The following ASCC3 variants were observed in gnomAD, a reference collection of about 807,000 sequenced individuals.
The protein encoded by ASCC3 is ASC-1 complex subunit P200.
In ASCC3, 158 loss-of-function variants were observed where a neutral mutation model predicts 256.3. That is an observed-to-expected ratio of 0.62 (90% CI 0.54 to 0.70). The LOEUF (loss-of-function observed/expected upper bound fraction) is 0.70, where lower values mean the gene tolerates loss of function less well. ASCC3 is among the 30% of genes least tolerant of loss of function. The probability of loss-of-function intolerance (pLI) is 0.00; values close to 1 mark genes in which losing one functional copy is unlikely to be tolerated. For synonymous variants in ASCC3, 948 were observed against 883.4 expected, an observed-to-expected ratio of 1.07 and a Z score of -1.30; for missense variants, 2,259 against 2,626.0, an observed-to-expected ratio of 0.86 and a Z score of 3.05.
At chr6:100,810,771 C>T (rs141630145) in intron 4 of ASCC3, among the ~76,000 whole-genome samples, 2 of 152,088 alleles carry the variant, frequency 1.3e-5, no homozygotes, top group Non-Finnish European at 2.9e-5. Context: ...CCTTCAATTG[C>T]TAGTAGTTGC....
chr6:100,856,918 A>G (rs1772973986), intron 3 of ASCC3: 1 of 152,140 alleles, frequency 6.6e-6, no homozygotes, highest in Non-Finnish European at 1.5e-5. Context: ...TTTGATATAC[A>G]TGTATGTACA....
chr6:100,815,758 T>TA lies in ASCC3; in HGVS notation c.802-9879dup, dbSNP rs1440862154. Among the ~76,000 whole-genome samples, 3 of 152,008 alleles carry TA rather than the reference T, an allele frequency of 2.0e-5. No homozygotes were observed. In the East Asian group the frequency reaches 5.8e-4, roughly 29 times the overall value. Reference sequence around the variant, plus strand: ...AAGATTGAATCTTCCTTACACCGTATAAAAAATTAACTCAAGATGGATTAA... The same window carrying TA: ...AAGATTGAATCTTCCTTACACCGTATAAAAAAATTAACTCAAGATGGATTAA... On this transcript the variant is annotated intron_variant, in intron 4 of 41. Transcript: ENST00000369162.
At position 100,608,081 on chromosome 6, in the gene ASCC3, T is replaced by TATATATCGATATACAC. The variant is rs1562160876; in HGVS notation, c.4786-994_4786-993insGTGTATATCGATATAT. Among the ~76,000 whole-genome samples the TATATATCGATATACAC allele has an allele frequency of 1.2e-3, 85 of 72,104 alleles. 6 individuals are homozygous for TATATATCGATATACAC. Among genetic ancestry groups the TATATATCGATATACAC allele is most frequent in the Admixed American group, 3.9e-3 (22 of 5,614 alleles). 47.3% of individuals were successfully genotyped at this position (72,104 alleles called of 152,430 possible). A position where few individuals can be genotyped will look rare whatever the true frequency, so the allele number is the denominator to read the frequency against. ...ATACACATATATATACATATATATG[T>TATATATCGATATACAC]ATATATATCTATATACACATATATA... On this transcript the variant is annotated intron_variant, in intron 30 of 41. Transcript: ENST00000369162.
intron 8 of ASCC3, among the ~76,000 whole-genome samples, chr6:100,787,962 T>C (rs2114288688): frequency 6.7e-6 from 1 of 149,202 alleles, no homozygotes; most frequent in East Asian, 2.0e-4. Flanking sequence ...ATAATCGAGT[T>C]TTTTTTTTTG....
intron 13 of ASCC3, among the ~76,000 whole-genome samples, chr6:100,692,837 T>A (rs189828419): frequency 4.6e-5 from 7 of 152,214 alleles, no homozygotes; most frequent in Admixed American, 2.0e-4. Context: ...GAGAACTTGA[T>A]GATGCTTTAG....
intron 34 of ASCC3, among the ~76,000 whole-genome samples, chr6:100,599,193 A>T (rs1404572165): frequency 6.6e-6 from 1 of 152,204 alleles, no homozygotes; most frequent in East Asian, 1.9e-4. Flanking sequence ...GTGATATTTT[A>T]AATATAGATA....
chr6:100,770,536 A>C (rs1335597608), intron 8 of ASCC3, among the ~76,000 whole-genome samples: 1 of 152,008 alleles, frequency 6.6e-6, no homozygotes, highest in Non-Finnish European at 1.5e-5. Flanking sequence ...TAATATAAAA[A>C]AGGAAGAAAA....
intron 34 of ASCC3, among the ~76,000 whole-genome samples, chr6:100,600,193 A>G (rs543176925): frequency 1.1e-4 from 14 of 122,870 alleles, no homozygotes; most frequent in Non-Finnish European, 1.9e-4. Flanking sequence ...CCATCTATAC[A>G]CACATGCACA....
At chr6:100,668,085 C>T (rs1420237728) in intron 14 of ASCC3, among the ~76,000 whole-genome samples, 3 of 151,990 alleles carry the variant, frequency 2.0e-5, no homozygotes, top group Non-Finnish European at 4.4e-5. Flanking sequence ...GGAAAACAGC[C>T]ATATCAATTT....
intron 37 of ASCC3, among the ~76,000 whole-genome samples, chr6:100,536,057 G>A (rs546556407): frequency 1.1e-4 from 17 of 152,176 alleles, no homozygotes; most frequent in South Asian, 2.1e-4. Flanking sequence ...GTGACTGTGC[G>A]TGTAAATGTA....
intron 36 of ASCC3, among the ~76,000 whole-genome samples, chr6:100,560,694 C>A (rs1222560733): frequency 6.7e-6 from 1 of 149,906 alleles, no homozygotes; most frequent in African/African-American, 2.5e-5. Context: ...CAAGAGAAAG[C>A]AAACATGCAT....
chr6:100,806,264 C>A (rs1368477197), intron 4 of ASCC3, among the ~76,000 whole-genome samples: 1 of 151,880 alleles, frequency 6.6e-6, no homozygotes, highest in African/African-American at 2.4e-5. Context: ...AACTACTATA[C>A]AACAGTGTAA....
At chr6:100,735,020 T>C (rs1240787330) in intron 10 of ASCC3, among the ~76,000 whole-genome samples, 3 of 152,072 alleles carry the variant, frequency 2.0e-5, no homozygotes, top group Non-Finnish European at 4.4e-5. Flanking sequence ...TTAAACAACC[T>C]AAAATCAATA....
intron 3 of ASCC3, among the ~76,000 whole-genome samples, chr6:100,863,345 T>G (rs143592903): frequency 5.9e-5 from 9 of 152,322 alleles, no homozygotes; most frequent in Non-Finnish European, 1.3e-4. Context: ...GGAAGGGAAG[T>G]GAAGCAGTCA....
intron 40 of ASCC3, among the ~76,000 whole-genome samples, chr6:100,512,268 T>C (rs896464559): frequency 1.2e-4 from 19 of 152,130 alleles, no homozygotes. Flanking sequence ...CCCAATGTGG[T>C]TCCTGTATAC....
intron 4 of ASCC3, among the ~76,000 whole-genome samples, chr6:100,825,272 G>C (rs1354316212): frequency 8.3e-6 from 1 of 120,524 alleles, no homozygotes; most frequent in Non-Finnish European, 1.8e-5. Context: ...ATTCTTTTGT[G>C]ATTTTTTTTT....
At chr6:100,593,721 A>C (rs1307289256) in intron 34 of ASCC3, among the ~76,000 whole-genome samples, 1 of 152,102 alleles carries the variant, frequency 6.6e-6, no homozygotes, top group Non-Finnish European at 1.5e-5. Flanking sequence ...TTTTATGTTC[A>C]GATTATGCAG....
At chr6:100,701,126 A>G (rs1286143151) in intron 13 of ASCC3, among the ~76,000 whole-genome samples, 2 of 152,190 alleles carry the variant, frequency 1.3e-5, no homozygotes, top group Non-Finnish European at 2.9e-5. Flanking sequence ...TAAATTGCCA[A>G]ATAATCTAAT....
chr6:100,739,806 G>A (rs370863188), intron 10 of ASCC3, among the ~76,000 whole-genome samples: 10 of 151,756 alleles, frequency 6.6e-5, no homozygotes, highest in Admixed American at 4.6e-4. Context: ...TTCTGATTGT[G>A]TTTGATTCTT....
Sources: allele counts gnomAD v4.1 joint callset (sites outside exome capture counted in the v4.1 genomes callset), GRCh38; gene constraint gnomAD v4.1.1; transcripts MANE v1.5; gene names NCBI Gene and HGNC (gene_info 2026-07-23, HGNC 2026-07-21).